The following SLC25A32 variants were observed in gnomAD, a reference collection of about 807,000 sequenced individuals.
SLC25A32 encodes solute carrier family 25 member 32, also known as Glycine auxotroph B, complementation of hamster.
In SLC25A32, 32 loss-of-function variants were observed where a neutral mutation model predicts 39.0. That is an observed-to-expected ratio of 0.82 (90% CI 0.62 to 1.10). SLC25A32 has a LOEUF of 1.10. Among genes scored for constraint, SLC25A32 ranks in the 50% least tolerant of loss-of-function variants. The pLI is 0.00. For synonymous variants in SLC25A32, 166 were observed against 152.4 expected (o/e 1.09, Z -0.66); for missense variants, 367 against 395.3 (o/e 0.93, Z 0.61).
At position 103,414,847 on chromosome 8, in the gene SLC25A32, T is replaced by C; in HGVS notation, c.91A>G (p.Ser31Gly). 1.2e-6 allele frequency: 2 copies of C among 1,613,750 alleles called. No individual in the cohort carries two copies. Among genetic ancestry groups the C allele is most frequent in the African/African-American group, 1.3e-5 (1 of 75,060 alleles). The change falls in exon 1 of 7, where the codon AGC becomes GGC. Residue 31 changes from serine to glycine, a missense_variant. Physicochemically the swap from Ser to Gly is moderately conservative, Grantham distance 56 (BLOSUM62 0). Coordinates refer to ENST00000297578, the MANE Select transcript of SLC25A32 (RefSeq NM_030780.5). ...GCAAGGTTGGATAAGACGCCGCCGC[T>C]CACGCCCGCTATCAGGTTCTCATAC... ...VRYENLIAGV[S>G]GGVLSNLALH... is the part of the protein sequence containing the mutation.
Position 103,401,655 on chromosome 8 carries a change from C to A in SLC25A32, c.673G>T (p.Val225Leu), listed in dbSNP as rs766941239. ...NRLPEAQLST[V>L]EYISVAALSK... ...AGTGCTGCAACAGATATATATTCTACTGTGCTCTAAAATGGCAATACAAAA... is the reference window on the plus strand; with the variant it reads ...AGTGCTGCAACAGATATATATTCTAATGTGCTCTAAAATGGCAATACAAAA... Residue 225 changes from valine (V) to leucine (L), a missense_variant, in exon 6 of 7, where the codon GTA (valine) becomes TTA (leucine). Coordinates refer to ENST00000297578, the MANE Select transcript of SLC25A32 (RefSeq NM_030780.5). 4.4e-6 allele frequency: 7 copies of A among 1,596,024 alleles called. No individual in the cohort carries two copies. The highest frequency in any genetic ancestry group is 6.0e-6 in the Non-Finnish European group (7 of 1,172,076).
chr8:103,409,302 C>G (rs544698838), intron 1 of SLC25A32, among the ~76,000 whole-genome samples: 5 of 152,282 alleles, frequency 3.3e-5, no homozygotes, highest in African/African-American at 1.2e-4. Flanking sequence ...GTTTTCCACT[C>G]AAGATTATTT....
At chr8:103,403,791 A>T (rs1187550267) in intron 3 of SLC25A32, among the ~76,000 whole-genome samples, 1 of 152,218 alleles carries the variant, frequency 6.6e-6, no homozygotes. Context: ...ACTTTATCAC[A>T]ATCTTCCTCA....
chr8:103,407,647 G>A lies in SLC25A32; in HGVS notation c.292C>T (p.Leu98Phe). 1 of 1,576,094 alleles carries A rather than the reference G, an allele frequency of 6.3e-7. No individual in the cohort carries two copies. The highest frequency in any genetic ancestry group is 8.6e-7 in the Non-Finnish European group (1 of 1,158,118). Residue 98 changes from leucine to phenylalanine, a missense_variant, in exon 2 of 7, where the codon CTC (leucine) becomes TTC (phenylalanine). Physicochemically the swap from Leu to Phe is conservative, Grantham distance 22. Coordinates refer to ENST00000297578, the MANE Select transcript of SLC25A32 (RefSeq NM_030780.5). Reference protein sequence around the residue: ...NIWGAGLSWGLYFFFYNAIKS... With the variant: ...NIWGAGLSWGFYFFFYNAIKS... ...AAATCTACTCACAAGAAAAAGTAGA[G>A]TCCCCAGGATAAACCTGCACCCCAT...
In SLC25A32 at chr8:103,414,890, C is replaced by G; in HGVS notation, c.48G>C (p.Thr16=). 1.9e-6 allele frequency: 3 copies of G among 1,612,490 alleles called. No homozygotes were observed. The highest frequency in any genetic ancestry group is 1.7e-6 in the Non-Finnish European group (2 of 1,179,590). ...TCTCATACCGGACGTGGCGGAATACCGTGCTCCACGCCGACGACCCGGACG... is the reference window on the plus strand; with the variant it reads ...TCTCATACCGGACGTGGCGGAATACGGTGCTCCACGCCGACGACCCGGACG... ...QSASGSSAWS[T]VFRHVRYENL... Residue 16 remains threonine, a synonymous_variant, in exon 1 of 7, where the codon ACG becomes ACC. Transcript: ENST00000297578.
chr8:103,410,957 AAAATT>A (rs1374140856), intron 1 of SLC25A32, among the ~76,000 whole-genome samples: 1 of 152,198 alleles, frequency 6.6e-6, no homozygotes, highest in Non-Finnish European at 1.5e-5. Context: ...CTCTCTTAAT[AAAATT>A]AATCTCCCCC....
At chr8:103,409,345 C>A (rs1816409893) in intron 1 of SLC25A32, among the ~76,000 whole-genome samples, 1 of 152,052 alleles carries the variant, frequency 6.6e-6, no homozygotes. Flanking sequence ...CAACAGATTC[C>A]CCCAAATAAG....
In SLC25A32 at chr8:103,401,643, A is replaced by G; in HGVS notation, c.685T>C (p.Ser229Pro). Reference protein sequence around the residue: ...EAQLSTVEYISVAALSKIFAV... With the variant: ...EAQLSTVEYIPVAALSKIFAV... Reference sequence around the variant, plus strand: ...AATATTTTGGATAGTGCTGCAACAGATATATATTCTACTGTGCTCTAAAAT... The same window carrying G: ...AATATTTTGGATAGTGCTGCAACAGGTATATATTCTACTGTGCTCTAAAAT... The change falls in exon 6 of 7, where the codon TCT becomes CCT. Residue 229 changes from serine to proline, a missense_variant. Physicochemically the swap from Ser to Pro is moderately conservative, Grantham distance 74. Coordinates refer to ENST00000297578, the MANE Select transcript of SLC25A32 (RefSeq NM_030780.5). 6.2e-7 allele frequency: 1 copy of G among 1,611,960 alleles called. No homozygotes were observed. The highest frequency in any genetic ancestry group is 8.5e-7 in the Non-Finnish European group (1 of 1,179,038).
intron 1 of SLC25A32, among the ~76,000 whole-genome samples, chr8:103,413,236 G>T (rs1481488573): frequency 2.6e-5 from 4 of 152,178 alleles, no homozygotes; most frequent in African/African-American, 9.7e-5. Context: ...ATTCTTCAAT[G>T]ATCACCTCGA....
chr8:103,412,999 C>T (rs1816497371), intron 1 of SLC25A32, among the ~76,000 whole-genome samples: 1 of 152,188 alleles, frequency 6.6e-6, no homozygotes, highest in African/African-American at 2.4e-5. Flanking sequence ...CATTTCACAG[C>T]TACACTGTGA....
chr8:103,413,420 T>C (rs568436517), intron 1 of SLC25A32, among the ~76,000 whole-genome samples: 3 of 152,342 alleles, frequency 2.0e-5, no homozygotes, highest in African/African-American at 7.2e-5. Context: ...AGAGTTAGAT[T>C]ACCTGGGTTT....
intron 1 of SLC25A32, among the ~76,000 whole-genome samples, chr8:103,411,390 C>T (rs1379176219): frequency 6.6e-6 from 1 of 152,062 alleles, no homozygotes; most frequent in African/African-American, 2.4e-5. Context: ...TAAGTGTCTG[C>T]AATGAGAAAA....
At chr8:103,411,457 C>T (rs1816462590) in intron 1 of SLC25A32, among the ~76,000 whole-genome samples, 1 of 151,846 alleles carries the variant, frequency 6.6e-6, no homozygotes. Context: ...ACCCCTGCTG[C>T]AATCTGGTTT....
intron 1 of SLC25A32, among the ~76,000 whole-genome samples, chr8:103,414,100 C>T (rs1207327041): frequency 1.3e-5 from 2 of 152,184 alleles, no homozygotes; most frequent in Admixed American, 1.3e-4. Flanking sequence ...ATTCTCAAGG[C>T]TGAACTTAAC....
intron 1 of SLC25A32, among the ~76,000 whole-genome samples, chr8:103,408,937 T>C (rs1816399137): frequency 1.3e-5 from 2 of 152,236 alleles, no homozygotes; most frequent in African/African-American, 2.4e-5. Flanking sequence ...ATCATCAGCA[T>C]TTAAAGTAGT....
In SLC25A32 at chr8:103,401,949, C is replaced by T; in HGVS notation, c.658G>A (p.Ala220Thr). 1.2e-6 allele frequency: 2 copies of T among 1,607,836 alleles called. No individual in the cohort carries two copies. Among genetic ancestry groups the T allele is most frequent in the South Asian group, 1.1e-5 (1 of 89,734 alleles). The change falls in exon 5 of 7, where the codon GCC (alanine) becomes ACC (threonine). Residue 220 changes from alanine to threonine, a missense_variant. Ala to Thr is a moderately conservative substitution (Grantham distance 58). Transcript: ENST00000297578. ...TACAAGAATAATCTTACCAACTGGG[C>T]TTCTGGTAATCTATTGATATGCTGG... ...YNQHINRLPE[A>T]QLSTVEYISV...
chr8:103,407,538 T>C, intron 2 of SLC25A32, 96 bp downstream of exon 2: 3 of 1,022,776 alleles, frequency 2.9e-6, no homozygotes, highest in Non-Finnish European at 4.2e-6. Context: ...ACTGATTAAA[T>C]GACTCAACTT....
chr8:103,412,935 T>A (rs1816496087), intron 1 of SLC25A32, among the ~76,000 whole-genome samples: 1 of 152,222 alleles, frequency 6.6e-6, no homozygotes, highest in Non-Finnish European at 1.5e-5. Flanking sequence ...CTGATGTTGA[T>A]AATCAATAAA....
intron 1 of SLC25A32, among the ~76,000 whole-genome samples, chr8:103,411,473 T>C (rs1816463022): frequency 6.6e-6 from 1 of 151,844 alleles, no homozygotes; most frequent in South Asian, 2.1e-4. Context: ...GGTTTGAGCT[T>C]TACCAATTAC....
Sources: allele counts gnomAD v4.1 joint callset (sites outside exome capture counted in the v4.1 genomes callset), GRCh38; gene constraint gnomAD v4.1.1; transcripts MANE v1.5; gene names NCBI Gene and HGNC (gene_info 2026-07-23, HGNC 2026-07-21).